TMEM232: variants seen among roughly 807,000 people sequenced by gnomAD.
TMEM232 encodes transmembrane protein 232.
A neutral mutation model predicts 78.8 loss-of-function variants in TMEM232; 80 were observed. That is an observed-to-expected ratio of 1.01 (90% CI 0.85 to 1.22). The LOEUF is 1.22. Ranked by LOEUF, TMEM232 falls within the 50% of genes most tolerant of loss-of-function variation. TMEM232 has a pLI of 0.00. For missense variants in TMEM232, 881 were observed against 742.2 expected, an observed-to-expected ratio of 1.19 and a Z score of -2.17; for synonymous variants, 297 against 254.3, an observed-to-expected ratio of 1.17 and a Z score of -1.60.
Position 110,686,351 on chromosome 5 carries a change from A to G in TMEM232, c.-12-18987T>C. On this transcript the variant is annotated intron_variant, in intron 1 of 13. Transcript: ENST00000455884. ...GGCAATGTCACATGGAGAGCCATGT[A>G]TAGAGGATCAGGTTTATAGTTCTAA... Among the ~76,000 whole-genome samples the G allele has an allele frequency of 1.3e-5, 2 of 151,976 alleles. 1 individual carries two copies. The highest frequency in any genetic ancestry group is 2.9e-5 in the Non-Finnish European group (2 of 67,974).
chr5:110,474,142 C>G (rs1177936692), intron 12 of TMEM232, among the ~76,000 whole-genome samples: 4 of 151,754 alleles, frequency 2.6e-5, no homozygotes, highest in African/African-American at 9.7e-5. Flanking sequence ...AGAACGGATT[C>G]TGAATGTTCT....
chr5:110,719,426 T>C lies in TMEM232; in HGVS notation c.-13+7201A>G, dbSNP rs139798741. Among the ~76,000 whole-genome samples the C allele has an allele frequency of 5.8e-3, 879 of 152,214 alleles. 4 individuals carry two copies. Among genetic ancestry groups the C allele is most frequent in the African/African-American group, 0.02 (826 of 41,544 alleles). On this transcript the variant is annotated intron_variant, in intron 1 of 13. Transcript: ENST00000455884. ...TTTAGTTCTCTGGACGTATTTGTAA[T>C]GGCTATTTCAAAGTCTTTAATAAAT...
At chr5:110,688,331 CA>C (rs1793682481) in intron 1 of TMEM232, among the ~76,000 whole-genome samples, 1 of 152,014 alleles carries the variant, frequency 6.6e-6, no homozygotes, top group African/African-American at 2.4e-5. Context: ...TTTCAGAAGA[CA>C]AAAGTAAAAA....
At chr5:110,695,245 C>T (rs6869050) in intron 1 of TMEM232, among the ~76,000 whole-genome samples, 148,332 of 152,230 alleles carry the variant, frequency 0.97, 72,355 homozygotes, top group Non-Finnish European at 1. Flanking sequence ...AGATGTTCTT[C>T]GAAACCAATG....
chr5:110,404,698 T>C (rs1329222102), intron 2 of TMEM232, among the ~76,000 whole-genome samples: 1 of 152,126 alleles, frequency 6.6e-6, no homozygotes, highest in Non-Finnish European at 1.5e-5. Flanking sequence ...TAAACCTTAT[T>C]TTCTAAGGGG....
intron 2 of TMEM232, among the ~76,000 whole-genome samples, chr5:110,733,728 T>C (rs1798903678): frequency 6.6e-6 from 1 of 152,086 alleles, no homozygotes; most frequent in Non-Finnish European, 1.5e-5. Context: ...AAAAACCTAT[T>C]GGGTGCTAGG....
intron 11 of TMEM232, among the ~76,000 whole-genome samples, chr5:110,545,300 G>C (rs1270654674): frequency 6.6e-6 from 1 of 152,006 alleles, no homozygotes; most frequent in Non-Finnish European, 1.5e-5. Flanking sequence ...GATGATGGTG[G>C]TAGGAGAGCT....
At chr5:110,424,771 T>G (rs1472988421) in intron 13 of TMEM232, 52 bp downstream of exon 13, 2 of 1,333,102 alleles carry the variant, frequency 1.5e-6, no homozygotes, top group Non-Finnish European at 2.1e-6. Context: ...TCATTTAAAG[T>G]GCTTTTAAGG....
rs143008088 is a variant in TMEM232, at chr5:110,528,838, G to A, written c.1456-3C>T. On this transcript the variant is annotated splice_polypyrimidine_tract_variant and splice_region_variant and intron_variant, in intron 11 of 13. Transcript: ENST00000455884. ...TCAGTTGGGTCATTTAACTCAGCCT[G>A]TTGAAAGAAAAGAGAAAGGAATCAG... 1.6e-4 allele frequency: 232 copies of A among 1,416,518 alleles called. 4 individuals are homozygous for A. In the East Asian group the frequency reaches 5.2e-3, roughly 32 times the overall value. The allele number at this position is 1,416,518 out of a possible 1,614,324, so 87.7% of individuals were successfully genotyped here. A position where few individuals can be genotyped will look rare whatever the true frequency, so the allele number is the denominator to read the frequency against.
rs1756529261 is a variant in TMEM232, at chr5:110,420,616, C to G, written c.1938G>C (p.Lys646Asn). The change falls in exon 14 of 14, where the codon AAG (lysine) becomes AAC (asparagine). Residue 646 changes from lysine (K) to asparagine (N), a missense_variant. Coordinates refer to ENST00000455884, the MANE Select transcript of TMEM232 (RefSeq NM_001039763.4). ...KREEKLHKQT[K>N]PYELPYRKEV... is the part of the protein sequence containing the mutation. ...CCTTCCTATAAGGAAGTTCATAGGG[C>G]TTGGTTTGCTTATGTAGTTTCTCTT... 1 of 1,501,506 alleles carries G rather than the reference C, an allele frequency of 6.7e-7. No individual in the cohort carries two copies. The highest frequency in any genetic ancestry group is 2.4e-5 in the Admixed American group (1 of 42,150). The allele number at this position is 1,501,506 out of a possible 1,614,324, so 93.0% of individuals were successfully genotyped here. A position where few individuals can be genotyped will look rare whatever the true frequency, so the allele number is the denominator to read the frequency against.
At chr5:110,423,929 T>G (rs1221829063) in intron 13 of TMEM232, among the ~76,000 whole-genome samples, 3 of 152,126 alleles carry the variant, frequency 2.0e-5, no homozygotes, top group Non-Finnish European at 2.9e-5. Context: ...ATTTGAAATT[T>G]TTGAAGATGA....
At chr5:110,683,587 A>T (rs188426434) in intron 1 of TMEM232, among the ~76,000 whole-genome samples, 316 of 152,052 alleles carry the variant, frequency 2.1e-3, no homozygotes, top group Middle Eastern at 0.01. Context: ...ATCTATTTTT[A>T]TTATGCTCAT....
At position 110,460,787 on chromosome 5, in the gene TMEM232, C is replaced by T. The variant is rs544944919; in HGVS notation, c.1704-35871G>A. Among the ~76,000 whole-genome samples, 5 of 151,710 alleles carry T rather than the reference C, an allele frequency of 3.3e-5. No homozygotes were observed. The East Asian group carries it at 9.7e-4, about 29-fold the overall frequency. On this transcript the variant is annotated intron_variant, in intron 12 of 13. Transcript: ENST00000455884. Reference sequence around the variant, plus strand: ...TGTCTCTGTGTCACATTTAGTAATTCCCACAATATTTAAAACATTTTCATT... The same window carrying T: ...TGTCTCTGTGTCACATTTAGTAATTTCCACAATATTTAAAACATTTTCATT...
At chr5:110,505,621 C>G (rs1018437841) in intron 12 of TMEM232, among the ~76,000 whole-genome samples, 1 of 152,280 alleles carries the variant, frequency 6.6e-6, no homozygotes. Context: ...ATTCTCATGC[C>G]TCAGCCTCCC....
At chr5:110,412,706 T>C (rs1411550277) in intron 2 of TMEM232, among the ~76,000 whole-genome samples, 1 of 152,162 alleles carries the variant, frequency 6.6e-6, no homozygotes, top group African/African-American at 2.4e-5. Flanking sequence ...GTTTTTGTTT[T>C]ATAAATTTCT....
chr5:110,622,340 G>A (rs1783851430), intron 7 of TMEM232, among the ~76,000 whole-genome samples: 1 of 152,190 alleles, frequency 6.6e-6, no homozygotes, highest in Non-Finnish European at 1.5e-5. Context: ...CTTCAGAACA[G>A]ATGAAACTAT....
In TMEM232 at chr5:110,550,863, T is replaced by C. The variant is rs1414797011; in HGVS notation, c.1455+17584A>G. ...ACAAGTTGATTTTAAAAAATATATATGGAAATGTTACAGTAAAAAAAAAAA... is the reference window on the plus strand; with the variant it reads ...ACAAGTTGATTTTAAAAAATATATACGGAAATGTTACAGTAAAAAAAAAAA... On this transcript the variant is annotated intron_variant, in intron 11 of 13. Coordinates refer to ENST00000455884, the MANE Select transcript of TMEM232 (RefSeq NM_001039763.4). Among the ~76,000 whole-genome samples the C allele has an allele frequency of 2.0e-5, 3 of 147,006 alleles. No homozygotes were observed. The East Asian group carries it at 5.9e-4, about 29-fold the overall frequency.
chr5:110,523,054 GT>G, intron 12 of TMEM232, among the ~76,000 whole-genome samples: 1 of 152,254 alleles, frequency 6.6e-6, no homozygotes, highest in South Asian at 2.1e-4. Context: ...TCACTGGGAA[GT>G]TTTTTATTTA....
At chr5:110,477,893 G>A (rs1763428648) in intron 12 of TMEM232, among the ~76,000 whole-genome samples, 1 of 151,906 alleles carries the variant, frequency 6.6e-6, no homozygotes, top group Admixed American at 6.6e-5. Context: ...ATTTTATGAA[G>A]CAGCAAGAGA....
Sources: gnomAD v4.1 joint callset for allele counts (sites outside exome capture counted in the v4.1 genomes callset) on GRCh38, gnomAD v4.1.1 for gene constraint, MANE v1.5 for transcripts, NCBI Gene and HGNC (gene_info 2026-07-23, HGNC 2026-07-21) for gene names.